AIRE: variants seen among roughly 807,000 people sequenced by gnomAD.
AIRE encodes autoimmune polyendocrinopathy candidiasis ectodermal dystrophy protein.
In AIRE, 52 loss-of-function variants were observed where a neutral mutation model predicts 62.1. The observed-to-expected ratio is 0.84, with a 90% confidence interval of 0.67 to 1.06. The LOEUF (loss-of-function observed/expected upper bound fraction) is 1.06. AIRE is among the 50% of genes least tolerant of loss of function. The pLI is 0.00. For missense variants in AIRE, 774 were observed against 755.8 expected (o/e 1.02, Z -0.28); for synonymous variants, 342 against 321.6 (o/e 1.06, Z -0.68).
Position 44,297,659 on chromosome 21 carries a change from A to G in AIRE, c.1570A>G (p.Thr524Ala), listed in dbSNP as rs756307823. ...DDLESLLSEH[T>A]FDGILQWAIQ... ...TCACCGTCACTCTGTCCCGCAGCAC[A>G]CCTTCGATGGCATCCTGCAGTGGGC... The change falls in exon 14 of 14, where the codon ACC becomes GCC. Residue 524 changes from threonine to alanine, a missense_variant. Physicochemically the swap from Thr to Ala is moderately conservative, Grantham distance 58. Coordinates refer to ENST00000291582, the MANE Select transcript of AIRE (RefSeq NM_000383.4). The surrounding 1 kb of genome is among the most constrained non-coding windows in gnomAD (Gnocchi z 4.8). 2.5e-6 allele frequency: 4 copies of G among 1,611,756 alleles called. No individual in the cohort carries two copies. In the South Asian group the frequency reaches 3.3e-5, roughly 13 times the overall value.
chr21:44,290,915 G>A, intron 7 of AIRE, 180 bp from the exon 8 acceptor site: 2 of 1,611,248 alleles, frequency 1.2e-6, no homozygotes, highest in Non-Finnish European at 1.7e-6. Flanking sequence ...GAGACCAGAT[G>A]GATGGGGAAC....
chr21:44,293,577 A>T (rs1249866081), intron 10 of AIRE, among the ~76,000 whole-genome samples: 1 of 152,104 alleles, frequency 6.6e-6, no homozygotes, highest in Non-Finnish European at 1.5e-5. Flanking sequence ...TGCAGGCAGC[A>T]GCCTGAGGGT....
intron 9 of AIRE, 110 bp downstream of exon 9, chr21:44,292,511 G>T: frequency 2.6e-6 from 2 of 758,682 alleles, no homozygotes; most frequent in Middle Eastern, 3.6e-4. Flanking sequence ...AGTCCTGTGG[G>T]ACAGGACTGC....
At chr21:44,292,425 C>A in intron 9 of AIRE, 24 bp downstream of exon 9, 1 of 1,501,904 alleles carries the variant, frequency 6.7e-7, no homozygotes, top group Non-Finnish European at 9.0e-7. Flanking sequence ...CCCTCCTAGC[C>A]GGGCCACCCC....
At chr21:44,292,960 G>C (rs767627556) in intron 9 of AIRE, 33 bp from the exon 10 acceptor site, 2 of 1,604,494 alleles carry the variant, frequency 1.2e-6, no homozygotes, top group Non-Finnish European at 1.7e-6. Context: ...GCAGGCGCCC[G>C]CTGCCCCTCT....
chr21:44,290,930 G>A, intron 7 of AIRE, 165 bp from the exon 8 acceptor site: 1 of 1,611,954 alleles, frequency 6.2e-7, no homozygotes, highest in East Asian at 2.2e-5. Context: ...GGGAACAGGT[G>A]GTCAGGGCAG....
At chr21:44,296,549 T>C (rs944366370) in intron 13 of AIRE, 104 bp downstream of exon 13, 17 of 1,131,258 alleles carry the variant, frequency 1.5e-5, no homozygotes, top group Non-Finnish European at 2.1e-5. Flanking sequence ...CCCCCACTGC[T>C]CTTGAGCCGT....
intron 7 of AIRE, chr21:44,290,589 T>C: frequency 1.4e-6 from 1 of 713,022 alleles, no homozygotes; most frequent in Non-Finnish European, 1.7e-6. Context: ...TGGGGGATTG[T>C]TAGAATGAGT....
chr21:44,286,751 G>A lies in AIRE; in HGVS notation c.307+20G>A. ...CCAAAGGTGGGTCCTGGTGGACTCA[G>A]CCATGCTGGGGGCCTGGGGCAGCTG... On this transcript the variant is annotated intron_variant, in intron 2 of 13. Transcript: ENST00000291582. This position sits in a 1 kb window ranked among gnomAD's most constrained non-coding sequence, Gnocchi z 6.0. 1 of 1,611,900 alleles carries A rather than the reference G, an allele frequency of 6.2e-7. No homozygotes were observed. The highest frequency in any genetic ancestry group is 8.5e-7 in the Non-Finnish European group (1 of 1,179,332).
chr21:44,294,288 C>A, intron 11 of AIRE, 113 bp from the exon 12 acceptor site: 1 of 529,114 alleles, frequency 1.9e-6, no homozygotes, highest in Non-Finnish European at 3.3e-6. Flanking sequence ...CTTCCTCACA[C>A]CCCACACCCC....
At chr21:44,296,033 G>A (rs2040603576) in intron 12 of AIRE, among the ~76,000 whole-genome samples, 1 of 152,186 alleles carries the variant, frequency 6.6e-6, no homozygotes, top group South Asian at 2.1e-4. Context: ...TGCTTGTCGG[G>A]GGCGGGGGTG....
At chr21:44,295,856 C>T (rs1041895535) in intron 12 of AIRE, among the ~76,000 whole-genome samples, 2 of 149,698 alleles carry the variant, frequency 1.3e-5, no homozygotes, top group Non-Finnish European at 2.9e-5. Flanking sequence ...GGCCTCGCAG[C>T]GCCAGTGTTC....
At position 44,287,031 on chromosome 21, in the gene AIRE, G is replaced by A. The variant is rs1235209613; in HGVS notation, c.361G>A (p.Ala121Thr). The change falls in exon 3 of 14, where the codon GCT becomes ACT. Residue 121 changes from alanine to threonine, a missense_variant. Ala to Thr is a moderately conservative substitution (Grantham distance 58). Around this residue, in one of 3 missense-constraint regions of AIRE, gnomAD observed 385 missense variants for 396.0 expected, o/e 0.97. Coordinates refer to ENST00000291582, the MANE Select transcript of AIRE (RefSeq NM_000383.4). The surrounding 1 kb of genome is among the most constrained non-coding windows in gnomAD (Gnocchi z 4.3). ...GAGGAAGCCCCCGGCCGTCCCCAAG[G>A]CTTTGGTACCGCCACCCAGACTCCC... ...KGRKPPAVPK[A>T]LVPPPRLPTK... 9 of 1,612,676 alleles carry A rather than the reference G, an allele frequency of 5.6e-6. No homozygotes were observed. The South Asian group carries it at 8.8e-5, about 16-fold the overall frequency.
intron 7 of AIRE, chr21:44,290,787 T>A (rs766298373): frequency 6.7e-7 from 1 of 1,494,916 alleles, no homozygotes; most frequent in South Asian, 1.1e-5. Context: ...CTGGCCCCAC[T>A]GCCCTGTGAG....
At position 44,294,402 on chromosome 21, in the gene AIRE, A is replaced by G; in HGVS notation, c.1402A>G (p.Thr468Ala). The G allele has an allele frequency of 6.4e-7, 1 of 1,567,882 alleles. No individual in the cohort carries two copies. The change falls in exon 12 of 14, where the codon ACG (threonine) becomes GCG (alanine). Residue 468 changes from threonine (T) to alanine (A), a missense_variant and splice_region_variant. Physicochemically the swap from Thr to Ala is moderately conservative, Grantham distance 58 (BLOSUM62 0). This residue lies in a region of AIRE where 354 missense variants were observed against 296.1 expected (regional missense o/e 1.20). Transcript: ENST00000291582. ...HFPAGTSRPG[T>A]GLRCRSCSGD... is the part of the protein sequence containing the mutation. ...GCAGCCCCTCATCCTCTGCTGCAGG[A>G]CGGGCCTGCGCTGCAGATCCTGCTC...
intron 9 of AIRE, 81 bp downstream of exon 9, chr21:44,292,482 C>A: frequency 2.2e-6 from 2 of 923,698 alleles, no homozygotes; most frequent in Non-Finnish European, 3.4e-6. Context: ...CCACCCCCTC[C>A]TGTCCGTCTG....
rs752502143 is a variant in AIRE at position 44,297,194 on chromosome 21, C to T, written c.1567-462C>T. Among the ~76,000 whole-genome samples, 4 of 152,196 alleles carry T rather than the reference C, an allele frequency of 2.6e-5. No individual in the cohort carries two copies. The highest frequency in any genetic ancestry group is 4.8e-5 in the African/African-American group (2 of 41,462). ...CCCCGGGTATAGCTGGAGAAATGAG[C>T]GACGGGCTCACAGCCTCTCCCGGGT... is the stretch of plus-strand genomic sequence containing the variant. On this transcript the variant is annotated intron_variant, in intron 13 of 13. Transcript: ENST00000291582. This position sits in a 1 kb window ranked among gnomAD's most constrained non-coding sequence, Gnocchi z 4.8.
rs553477395 is a variant in AIRE at position 44,289,569 on chromosome 21, C to T, written c.653-88C>T. 24 of 1,576,052 alleles carry T rather than the reference C, an allele frequency of 1.5e-5. No individual in the cohort carries two copies. In the African/African-American group the frequency reaches 3.0e-4, roughly 19 times the overall value. On this transcript the variant is annotated intron_variant, in intron 5 of 13. Transcript: ENST00000291582. ...CAGGCTGTGGGAACTCCACCTGTCT[C>T]TGCTAGACCCCACCCTGGGGCCTAC...
At chr21:44,295,687 C>T (rs1367822401) in intron 12 of AIRE, among the ~76,000 whole-genome samples, 1 of 152,156 alleles carries the variant, frequency 6.6e-6, no homozygotes, top group African/African-American at 2.4e-5. Flanking sequence ...TGGCCTCCCC[C>T]CTCAGCCTGC....
Sources: allele counts gnomAD v4.1 joint callset (sites outside exome capture counted in the v4.1 genomes callset), GRCh38; gene constraint gnomAD v4.1.1; regional missense constraint gnomAD v4.1.1; non-coding constraint Gnocchi (gnomAD v3.1); transcripts MANE v1.5; gene names NCBI Gene and HGNC (gene_info 2026-07-23, HGNC 2026-07-21).